CHRNA6: variants seen among roughly 807,000 people sequenced by gnomAD.
The protein encoded by CHRNA6 is neuronal acetylcholine receptor subunit alpha-6.
CHRNA6 carries 31 observed loss-of-function variants against 40.9 expected under a neutral mutation model. The observed-to-expected ratio is 0.76, with a 90% CI of 0.57 to 1.02. CHRNA6 has a LOEUF of 1.02. Among genes scored for constraint, CHRNA6 ranks in the 50% least tolerant of loss-of-function variants. CHRNA6 has a pLI of 0.00. For synonymous variants in CHRNA6, 222 were observed against 221.3 expected, an observed-to-expected ratio of 1.00 and a Z score of -0.03; for missense variants, 546 against 596.6, an observed-to-expected ratio of 0.92 and a Z score of 0.88.
chr8:42,756,309 G>T lies in CHRNA6; in HGVS notation c.890C>A (p.Ser297Tyr), dbSNP rs371233399. 3 of 1,614,248 alleles carry T rather than the reference G, an allele frequency of 1.9e-6. No homozygotes were observed. The highest frequency in any genetic ancestry group is 2.5e-6 in the Non-Finnish European group (3 of 1,180,042). ...CTCACCCACCAGTGGGACCACCAGAGATGTGGATGGGATGGTTTCTGTGAT... is the reference window on the plus strand; with the variant it reads ...CTCACCCACCAGTGGGACCACCAGATATGTGGATGGGATGGTTTCTGTGAT... ...LVITETIPST[S>Y]LVVPLVGEYL... The change falls in exon 5 of 6, where the codon TCT becomes TAT. Residue 297 changes from serine to tyrosine, a missense_variant. Transcript: ENST00000276410.
rs200256551 is a variant in CHRNA6, at chr8:42,768,496, C to T, written c.-66G>A. ...TTGTGGAAAACAAAGAGCTATCAGT[C>T]AGCCACATGCATCCAACCTTGACAT... is the stretch of plus-strand genomic sequence containing the variant. On this transcript the variant is annotated 5_prime_UTR_variant, in exon 1 of 6. It removes the in-frame stop codon of an upstream open reading frame in the 5' UTR. Transcript: ENST00000276410. The T allele has an allele frequency of 8.3e-7, 1 of 1,201,040 alleles. No individual in the cohort carries two copies. The highest frequency in any genetic ancestry group is 1.2e-6 in the Non-Finnish European group (1 of 806,166). The allele number at this position is 1,201,040 out of a possible 1,614,324, so 74.4% of individuals were successfully genotyped here.
chr8:42,765,301 T>C (rs1034449753), intron 1 of CHRNA6, 97 bp from the exon 2 acceptor site: 8 of 1,363,674 alleles, frequency 5.9e-6, no homozygotes, highest in Non-Finnish European at 8.2e-6. Context: ...GGGGAGCGAA[T>C]GTCCCAGCCC....
rs141678978 is a variant in CHRNA6 at position 42,763,377 on chromosome 8, C to A, written c.219+1688G>T. On this transcript the variant is annotated intron_variant, in intron 2 of 5. Transcript: ENST00000276410. ...TCCTGGACTGTTAACCTTTAGATTT[C>A]TGTTGCATAAGACAGGAATAAACTT... Among the ~76,000 whole-genome samples, 282 of 152,304 alleles carry A rather than the reference C, an allele frequency of 1.9e-3. 1 individual carries two copies. The highest frequency in any genetic ancestry group is 3.0e-3 in the Non-Finnish European group (205 of 68,018).
In CHRNA6 at chr8:42,755,985, G is replaced by T; in HGVS notation, c.1214C>A (p.Ala405Asp). 6.2e-7 allele frequency: 1 copy of T among 1,614,204 alleles called. No homozygotes were observed. Among genetic ancestry groups the T allele is most frequent in the Non-Finnish European group, 8.5e-7 (1 of 1,180,044 alleles). ...ATGACTTAATCTTCTCTTGCTTGTG[G>T]CAAGCTCATTTGATTTGTGACAATG... ...CFHCHKSNELATSKRRLSHQP... is the reference protein window; with the variant it reads ...CFHCHKSNELDTSKRRLSHQP... Residue 405 changes from alanine (A) to aspartate (D), a missense_variant, in exon 5 of 6, where the codon GCC becomes GAC. By Grantham distance (126) the Ala-to-Asp change is moderately radical. Around this residue, in one of 3 missense-constraint regions of CHRNA6, gnomAD observed 476 missense variants for 494.5 expected, o/e 0.96. Coordinates refer to ENST00000276410, the MANE Select transcript of CHRNA6 (RefSeq NM_004198.3).
chr8:42,764,875 T>C, intron 2 of CHRNA6, 190 bp downstream of exon 2: 1 of 601,460 alleles, frequency 1.7e-6, no homozygotes, highest in Non-Finnish European at 2.8e-6. Context: ...TCAAAGCACT[T>C]CCAGGAAAAA....
chr8:42,762,493 A>G (rs1217972270), intron 2 of CHRNA6, among the ~76,000 whole-genome samples: 1 of 152,168 alleles, frequency 6.6e-6, no homozygotes, highest in Non-Finnish European at 1.5e-5. Flanking sequence ...TACTAAAAAT[A>G]CAAAAATTAG....
chr8:42,759,233 T>G, intron 2 of CHRNA6, 120 bp from the exon 3 acceptor site: 1 of 744,830 alleles, frequency 1.3e-6, no homozygotes, highest in East Asian at 2.5e-5. Context: ...AGAAGAAGAC[T>G]TCAAGGCAAT....
At chr8:42,754,010 C>A (rs973807012) in intron 5 of CHRNA6, among the ~76,000 whole-genome samples, 10 of 152,108 alleles carry the variant, frequency 6.6e-5, no homozygotes, top group African/African-American at 2.4e-4. Context: ...TGATTGAGAA[C>A]CACTTTATCA....
Position 42,756,096 on chromosome 8 carries a change from T to C in CHRNA6, c.1103A>G (p.Asp368Gly). 6.2e-7 allele frequency: 1 copy of C among 1,614,252 alleles called. No individual in the cohort carries two copies. Among genetic ancestry groups the C allele is most frequent in the Admixed American group, 1.7e-5 (1 of 60,032 alleles). The change falls in exon 5 of 6, where the codon GAT (aspartate) becomes GGT (glycine). Residue 368 changes from aspartate to glycine, a missense_variant. Physicochemically the swap from Asp to Gly is moderately conservative, Grantham distance 94. Around this residue, in one of 3 missense-constraint regions of CHRNA6, gnomAD observed 476 missense variants for 494.5 expected, o/e 0.96. Coordinates refer to ENST00000276410, the MANE Select transcript of CHRNA6 (RefSeq NM_004198.3). ...PLDKTRGTGS[D>G]AVPRGLARRP... ...CCTGGCAAGGCCTCTGGGCACTGCA[T>C]CAGAGCCTGTGCCCCTTGTCTTGTC...
Position 42,756,441 on chromosome 8 carries a change from A to AAG in CHRNA6, c.756_757dup (p.Phe253SerfsTer6). The AAG allele has an allele frequency of 6.2e-7, 1 of 1,614,254 alleles. No homozygotes were observed. Among genetic ancestry groups the AAG allele is most frequent in the Non-Finnish European group, 8.5e-7 (1 of 1,180,036 alleles). ...GACCAACACGGTTAGAAATGAAATA[A>AAG]AGAGACAAGGGATGATCAGATTAAT... On this transcript the variant is annotated frameshift_variant, in exon 5 of 6. Coordinates refer to ENST00000276410, the MANE Select transcript of CHRNA6 (RefSeq NM_004198.3). LOFTEE classifies it high-confidence loss of function.
chr8:42,764,547 G>A (rs1006962647), intron 2 of CHRNA6, among the ~76,000 whole-genome samples: 1 of 152,044 alleles, frequency 6.6e-6, no homozygotes, highest in African/African-American at 2.4e-5. Flanking sequence ...GGCTGGTCTC[G>A]AACTCTTGAG....
At chr8:42,763,491 C>T (rs1254543387) in intron 2 of CHRNA6, among the ~76,000 whole-genome samples, 1 of 152,188 alleles carries the variant, frequency 6.6e-6, no homozygotes, top group Admixed American at 6.5e-5. Context: ...GCCCTTTCAC[C>T]CCCATCTTCA....
intron 5 of CHRNA6, among the ~76,000 whole-genome samples, chr8:42,754,697 C>T (rs1472542914): frequency 6.6e-6 from 1 of 152,196 alleles, no homozygotes; most frequent in Non-Finnish European, 1.5e-5. Context: ...GCCTGAGTTT[C>T]AGATGCCTTC....
chr8:42,766,611 C>T (rs1176287547), intron 1 of CHRNA6, among the ~76,000 whole-genome samples: 1 of 152,158 alleles, frequency 6.6e-6, no homozygotes, highest in Non-Finnish European at 1.5e-5. Flanking sequence ...TGCTTGAAGC[C>T]GTTATCCTCA....
intron 5 of CHRNA6, 32 bp from the exon 6 acceptor site, chr8:42,753,342 TA>T: frequency 1.9e-6 from 3 of 1,587,172 alleles, no homozygotes; most frequent in Non-Finnish European, 2.6e-6. Context: ...AGAGCTGTTT[TA>T]AAAAACCAAA....
At chr8:42,757,089 G>T in intron 3 of CHRNA6, 52 bp from the exon 4 acceptor site, 1 of 1,374,278 alleles carries the variant, frequency 7.3e-7, no homozygotes. Context: ...TTTCGGGCCA[G>T]GCATGGTGGC....
Sources: gnomAD v4.1 joint callset for allele counts (sites outside exome capture counted in the v4.1 genomes callset) on GRCh38, gnomAD v4.1.1 for gene constraint, gnomAD v4.1.1 regional missense constraint, MANE v1.5 for transcripts, NCBI Gene and HGNC (gene_info 2026-07-23, HGNC 2026-07-21) for gene names.